The following DYM variants were observed in gnomAD, a reference collection of about 807,000 sequenced individuals.
DYM encodes the protein dyggve-Melchior-Clausen syndrome protein.
Under a neutral mutation model 93.1 loss-of-function variants are expected in DYM, and 78 were observed. The ratio of observed to expected loss-of-function variants is 0.84; its 90% CI spans 0.70 to 1.01. The LOEUF is 1.01. DYM is among the 50% of genes least tolerant of loss of function. DYM has a pLI of 0.00. For missense variants in DYM, 789 were observed against 845.0 expected (o/e 0.93, Z 0.82); for synonymous variants, 321 against 319.7 (o/e 1.00, Z -0.04).
intron 2 of DYM, among the ~76,000 whole-genome samples, chr18:49,397,127 T>C (rs1036154106): frequency 6.6e-6 from 1 of 152,180 alleles, no homozygotes; most frequent in South Asian, 2.1e-4. Flanking sequence ...GATTTAATCA[T>C]TACACAATGT....
At position 49,335,588 on chromosome 18, in the gene DYM, G is replaced by A. The variant is rs1158619948; in HGVS notation, c.495-1735C>T. Among the ~76,000 whole-genome samples the A allele has an allele frequency of 2.6e-5, 4 of 152,208 alleles. No homozygotes were observed. In the East Asian group the frequency reaches 7.7e-4, roughly 29 times the overall value. On this transcript the variant is annotated intron_variant, in intron 6 of 17. Coordinates refer to ENST00000675505, the MANE Select transcript of DYM (RefSeq NM_001353214.3). ...TGATTTACTAATGATGATTTGATTT[G>A]GGTGCTCAGAACCCCCAAAAATTTT... is the stretch of plus-strand genomic sequence containing the variant.
At chr18:49,235,485 T>C (rs563950681) in intron 13 of DYM, among the ~76,000 whole-genome samples, 1 of 152,264 alleles carries the variant, frequency 6.6e-6, no homozygotes, top group East Asian at 1.9e-4. Context: ...TGTAATGATA[T>C]AAGTTAAACA....
At chr18:49,289,404 T>TAAAAAAAAAA (rs56240607) in intron 8 of DYM, among the ~76,000 whole-genome samples, 2 of 33,508 alleles carry the variant, frequency 6.0e-5, no homozygotes, top group African/African-American at 1.2e-4. Context: ...TACAAATCAG[T>TAAAAAAAAAA]AAAAAAAAAA....
intron 3 of DYM, among the ~76,000 whole-genome samples, chr18:49,387,592 A>C (rs536939447): frequency 3.3e-5 from 5 of 152,264 alleles, no homozygotes; most frequent in Admixed American, 1.3e-4. Context: ...CTTTGATGTC[A>C]TGTTGTCACC....
At chr18:49,318,967 A>G (rs913213417) in intron 8 of DYM, among the ~76,000 whole-genome samples, 15 of 144,160 alleles carry the variant, frequency 1.0e-4, no homozygotes, top group Non-Finnish European at 1.5e-4. Flanking sequence ...CGCCCAACTA[A>G]TTTTTTTTTT....
At chr18:49,223,881 G>C (rs1382031773) in intron 13 of DYM, among the ~76,000 whole-genome samples, 1 of 152,142 alleles carries the variant, frequency 6.6e-6, no homozygotes, top group Non-Finnish European at 1.5e-5. Flanking sequence ...GGGAAGAACA[G>C]AGGTAGGTAA....
intron 13 of DYM, among the ~76,000 whole-genome samples, chr18:49,249,797 G>A (rs1244327651): frequency 6.6e-6 from 1 of 152,184 alleles, no homozygotes; most frequent in Non-Finnish European, 1.5e-5. Context: ...AATCTGAAGT[G>A]TATATACTCA....
intron 13 of DYM, among the ~76,000 whole-genome samples, chr18:49,239,299 A>ATCTTT (rs2093958638): frequency 1.3e-5 from 2 of 152,260 alleles, no homozygotes; most frequent in African/African-American, 4.8e-5. Context: ...TATTTTGAAC[A>ATCTTT]GAAGCCTGGA....
intron 15 of DYM, among the ~76,000 whole-genome samples, chr18:49,150,725 A>G (rs1009415840): frequency 2.0e-5 from 3 of 152,232 alleles, no homozygotes; most frequent in Non-Finnish European, 4.4e-5. Context: ...AGCACTGCCT[A>G]TTAAAGGACA....
intron 14 of DYM, among the ~76,000 whole-genome samples, chr18:49,192,095 ATTTTTTTTTTTTTTTTTT>A (rs55967928): frequency 1.3e-4 from 9 of 68,290 alleles, no homozygotes; most frequent in Non-Finnish European, 2.2e-4. Context: ...TGCCTGGCTA[ATTTTTTTTTTTTTTTTTT>A]TTTTTTTTTG....
At chr18:49,272,423 G>GA (rs1251078162) in intron 10 of DYM, 120 bp from the exon 11 acceptor site, 35 of 745,646 alleles carry the variant, frequency 4.7e-5, no homozygotes, top group East Asian at 4.1e-4. Context: ...TTTCATTAGA[G>GA]AAAAAACCAT....
intron 5 of DYM, among the ~76,000 whole-genome samples, chr18:49,365,296 G>C (rs1158131677): frequency 6.6e-6 from 1 of 152,056 alleles, no homozygotes; most frequent in African/African-American, 2.4e-5. Context: ...ATCTTAAAAA[G>C]AATATTAAAT....
intron 15 of DYM, among the ~76,000 whole-genome samples, chr18:49,128,743 G>A (rs925629964): frequency 6.6e-6 from 1 of 151,866 alleles, no homozygotes; most frequent in African/African-American, 2.4e-5. Flanking sequence ...ACGTATTCAG[G>A]GTAACTTCAA....
intron 8 of DYM, among the ~76,000 whole-genome samples, chr18:49,287,971 C>CAT (rs750763978): frequency 3.3e-5 from 5 of 151,672 alleles, no homozygotes; most frequent in Non-Finnish European, 5.9e-5. Context: ...AATTTGAAGA[C>CAT]TTAATACCAA....
At chr18:49,397,142 T>C (rs1230363557) in intron 2 of DYM, among the ~76,000 whole-genome samples, 2 of 152,214 alleles carry the variant, frequency 1.3e-5, no homozygotes, top group African/African-American at 4.8e-5. Context: ...CAATGTATAA[T>C]GCATCGAAAC....
intron 13 of DYM, among the ~76,000 whole-genome samples, chr18:49,236,750 C>T (rs1057259022): frequency 2.0e-5 from 3 of 152,148 alleles, no homozygotes; most frequent in Non-Finnish European, 2.9e-5. Context: ...AAGGCCACTC[C>T]GTAGGAGCCG....
intron 6 of DYM, among the ~76,000 whole-genome samples, chr18:49,354,178 C>T (rs575216076): frequency 6.6e-6 from 1 of 152,134 alleles, no homozygotes; most frequent in Non-Finnish European, 1.5e-5. Flanking sequence ...GAAAGGTAGT[C>T]TCTTCAACCA....
At chr18:49,193,211 TTAAAA>T (rs909523399) in intron 14 of DYM, among the ~76,000 whole-genome samples, 8 of 151,852 alleles carry the variant, frequency 5.3e-5, no homozygotes, top group African/African-American at 1.2e-4. Flanking sequence ...TTAAAAAAAA[TTAAAA>T]TAAAGAGTTA....
chr18:49,327,918 A>T (rs912007643), intron 8 of DYM, among the ~76,000 whole-genome samples: 3 of 152,200 alleles, frequency 2.0e-5, no homozygotes, highest in Admixed American at 2.0e-4. Context: ...ACACCCACAC[A>T]AGTCAAGGAG....
Sources: gnomAD v4.1 joint callset for allele counts (sites outside exome capture counted in the v4.1 genomes callset) on GRCh38, gnomAD v4.1.1 for gene constraint, MANE v1.5 for transcripts, NCBI Gene and HGNC (gene_info 2026-07-23, HGNC 2026-07-21) for gene names.